Variants in ERGIC1 observed in about 807,000 individuals in gnomAD.
The protein encoded by ERGIC1 is endoplasmic reticulum-golgi intermediate compartment 1.
In ERGIC1, 19 loss-of-function variants were observed where a neutral mutation model predicts 38.3. The observed-to-expected ratio is 0.50, with a 90% CI of 0.35 to 0.73. ERGIC1 has a LOEUF of 0.73. ERGIC1 is among the 30% of genes least tolerant of loss of function. The pLI is 0.01. For missense variants in ERGIC1, 294 were observed against 389.2 expected (o/e 0.76, Z 2.06); for synonymous variants, 124 against 157.6 (o/e 0.79, Z 1.60).
rs186204903 is a variant in ERGIC1, at chr5:172,851,450, A to G, written c.20+17017A>G. Among the ~76,000 whole-genome samples, 440 of 152,266 alleles carry G rather than the reference A, an allele frequency of 2.9e-3. 10 individuals are homozygous for G. The highest frequency in any genetic ancestry group is 0.025 in the Admixed American group (380 of 15,284). On this transcript the variant is annotated intron_variant, in intron 1 of 9. Transcript: ENST00000393784. ...CTTCAACCCCGGAGGCAGAGGTTGC[A>G]GTGAGCTGAGATTGCGCCACTGCAC...
chr5:172,871,941 C>T (rs778493248), intron 1 of ERGIC1, among the ~76,000 whole-genome samples: 6 of 152,220 alleles, frequency 3.9e-5, no homozygotes, highest in East Asian at 1.9e-4. Context: ...ACAAGGAAAA[C>T]ATTCTGACCC....
chr5:172,877,266 C>A (rs1762156259), intron 1 of ERGIC1, among the ~76,000 whole-genome samples: 1 of 152,014 alleles, frequency 6.6e-6, no homozygotes, highest in Non-Finnish European at 1.5e-5. Context: ...GCCATCCTTA[C>A]AATGTTGAAT....
chr5:172,908,530 C>T (rs56846140), intron 3 of ERGIC1, among the ~76,000 whole-genome samples: 9,709 of 150,668 alleles, frequency 0.064, 702 homozygotes, highest in African/African-American at 0.17. Context: ...GAGCCGAGAT[C>T]GCGCCACTGC....
At position 172,950,950 on chromosome 5, in the gene ERGIC1, T is replaced by TA; in HGVS notation, c.*135dup. 1.5e-6 allele frequency: 1 copy of TA among 654,892 alleles called. No homozygotes were observed. Among genetic ancestry groups the TA allele is most frequent in the Non-Finnish European group, 2.5e-6 (1 of 406,270 alleles). The allele number at this position is 654,892 out of a possible 1,614,324, so 40.6% of individuals were successfully genotyped here. ...GGGTGTGTGGGAAGTGGGGGGAAAG[T>TA]AGAGGATGGCTCGATGTTTTGCAGC... On this transcript the variant is annotated 3_prime_UTR_variant, in exon 10 of 10. Transcript: ENST00000393784.
intron 3 of ERGIC1, among the ~76,000 whole-genome samples, chr5:172,904,859 C>G (rs1762977810): frequency 6.6e-6 from 1 of 152,214 alleles, no homozygotes; most frequent in Non-Finnish European, 1.5e-5. Context: ...GCCTGGGGCC[C>G]TCCAGGAAGG....
chr5:172,883,692 G>T (rs1762339977), intron 1 of ERGIC1, among the ~76,000 whole-genome samples: 1 of 152,186 alleles, frequency 6.6e-6, no homozygotes, highest in African/African-American at 2.4e-5. Context: ...TGGTTAAGAT[G>T]ATGCCTGGGC....
At chr5:172,923,582 T>C (rs1763581226) in intron 5 of ERGIC1, among the ~76,000 whole-genome samples, 1 of 152,088 alleles carries the variant, frequency 6.6e-6, no homozygotes, top group South Asian at 2.1e-4. Flanking sequence ...TGGGGCAAAC[T>C]TGGGTAGGAA....
intron 9 of ERGIC1, among the ~76,000 whole-genome samples, chr5:172,945,344 G>A (rs1033977281): frequency 1.3e-5 from 2 of 152,242 alleles, no homozygotes; most frequent in Admixed American, 6.5e-5. Flanking sequence ...CCCTTAGAGT[G>A]CGTGGGCCCC....
At chr5:172,886,994 T>A (rs1046929180) in intron 1 of ERGIC1, among the ~76,000 whole-genome samples, 5 of 152,074 alleles carry the variant, frequency 3.3e-5, no homozygotes, top group African/African-American at 9.7e-5. Flanking sequence ...CAAGCACAGG[T>A]GACTGGGAGC....
At chr5:172,948,090 C>T (rs1764162038) in intron 9 of ERGIC1, among the ~76,000 whole-genome samples, 2 of 152,128 alleles carry the variant, frequency 1.3e-5, no homozygotes, top group African/African-American at 2.4e-5. Context: ...GTTCTGAGGC[C>T]GGCAGGGAGG....
intron 3 of ERGIC1, among the ~76,000 whole-genome samples, chr5:172,906,903 A>G (rs2113362609): frequency 6.6e-6 from 1 of 152,242 alleles, no homozygotes; most frequent in South Asian, 2.1e-4. Flanking sequence ...GGATGCCTCA[A>G]GACACCTGGG....
intron 1 of ERGIC1, among the ~76,000 whole-genome samples, chr5:172,855,313 C>T (rs181087818): frequency 5.0e-4 from 76 of 152,308 alleles, no homozygotes; most frequent in African/African-American, 1.7e-3. Context: ...AGGTGCTCCA[C>T]GCCCCATACC....
intron 8 of ERGIC1, 81 bp downstream of exon 8, chr5:172,932,617 C>A (rs760158229): frequency 1.2e-5 from 17 of 1,380,708 alleles, no homozygotes; most frequent in Non-Finnish European, 1.7e-5. Context: ...GCGGCTGCAC[C>A]GACGCACTTT....
chr5:172,834,418 C>G lies in ERGIC1; in HGVS notation c.5C>G (p.Pro2Arg). The change falls in exon 1 of 10, where the codon CCC (proline) becomes CGC (arginine). Residue 2 changes from proline (P) to arginine (R), a missense_variant. Physicochemically the swap from Pro to Arg is moderately radical, Grantham distance 103 (BLOSUM62 -2). Coordinates refer to ENST00000393784, the MANE Select transcript of ERGIC1 (RefSeq NM_001031711.3). The surrounding 1 kb of genome is among the most constrained non-coding windows in gnomAD (Gnocchi z 4.1). The stretch of plus-strand genomic sequence containing the variant: ...CCCACCCCCGGCGGCGGCACGATGC[C>G]CTTTGACTTCAGGAGGTGAGTGTGG... The part of the protein sequence containing the change: M[P>R]FDFRRFDIYR... 1 of 1,341,884 alleles carries G rather than the reference C, an allele frequency of 7.5e-7. No individual in the cohort carries two copies. Among genetic ancestry groups the G allele is most frequent in the Admixed American group, 3.4e-5 (1 of 29,106 alleles). The allele number at this position is 1,341,884 out of a possible 1,614,324, so 83.1% of individuals were successfully genotyped here. A position where few individuals can be genotyped will look rare whatever the true frequency, so the allele number is the denominator to read the frequency against.
Position 172,927,462 on chromosome 5 carries a change from A to G in ERGIC1, c.541+893A>G, listed in dbSNP as rs561898943. 9.5e-4 allele frequency among the ~76,000 whole-genome samples: 145 copies of G among 152,048 alleles called. No individual in the cohort carries two copies. The Middle Eastern group carries it at 0.01, about 11-fold the overall frequency. ...CAGAACTCACTTTTCTTTTTTTCCA[A>G]GGCATGGATTGCAGTTTACCGTCTG... On this transcript the variant is annotated intron_variant, in intron 7 of 9. Coordinates refer to ENST00000393784, the MANE Select transcript of ERGIC1 (RefSeq NM_001031711.3).
intron 3 of ERGIC1, among the ~76,000 whole-genome samples, chr5:172,899,833 G>T (rs940387921): frequency 1.3e-5 from 2 of 152,216 alleles, no homozygotes; most frequent in Non-Finnish European, 2.9e-5. Context: ...GCAGGTACAT[G>T]ATATTTTATG....
chr5:172,933,726 A>G (rs1165800603), intron 8 of ERGIC1: 1 of 152,202 alleles, frequency 6.6e-6, no homozygotes, highest in Non-Finnish European at 1.5e-5. Flanking sequence ...TAACAGATGG[A>G]AAAGCACAGA....
intron 1 of ERGIC1, among the ~76,000 whole-genome samples, chr5:172,856,907 C>A (rs770098275): frequency 1.3e-5 from 2 of 152,134 alleles, no homozygotes; most frequent in African/African-American, 4.8e-5. Context: ...TTGTGTGAAA[C>A]GTAATTAAGC....
intron 3 of ERGIC1, chr5:172,906,120 A>G (rs1229830839): frequency 2.2e-6 from 1 of 455,784 alleles, no homozygotes; most frequent in African/African-American, 2.0e-5. Context: ...CTCTCCCTCC[A>G]GCTCCTTTGC....
Sources: allele counts gnomAD v4.1 joint callset (sites outside exome capture counted in the v4.1 genomes callset), GRCh38; gene constraint gnomAD v4.1.1; non-coding constraint Gnocchi (gnomAD v3.1); transcripts MANE v1.5; gene names NCBI Gene and HGNC (gene_info 2026-07-23, HGNC 2026-07-21).